Variants in PMS2 observed in about 807,000 individuals in gnomAD.
PMS2 encodes mismatch repair endonuclease PMS2.
In PMS2, 69 loss-of-function variants were observed where a neutral mutation model predicts 90.0. That is an observed-to-expected ratio of 0.77 (90% confidence interval 0.63 to 0.94). The LOEUF is 0.94. Among genes scored for constraint, PMS2 ranks in the 40% least tolerant of loss-of-function variants. The probability of loss-of-function intolerance (pLI) is 0.00; values close to 1 mark genes in which losing one functional copy is unlikely to be tolerated. For missense variants in PMS2, 966 were observed against 1,040.2 expected (o/e 0.93, Z 0.98); for synonymous variants, 332 against 375.1 (o/e 0.89, Z 1.33).
chr7:5,995,745 T>C (rs963874985), intron 7 of PMS2, 112 bp from the exon 8 acceptor site: 1 of 790,108 alleles, frequency 1.3e-6, no homozygotes, highest in Non-Finnish European at 2.3e-6. Flanking sequence ...GGTGACATGC[T>C]GATAAGGATC....
chr7:5,994,449 A>G (rs980775523), intron 8 of PMS2, among the ~76,000 whole-genome samples: 4 of 151,586 alleles, frequency 2.6e-5, no homozygotes, highest in African/African-American at 7.3e-5. Context: ...AACTTATGAT[A>G]GGGTTATGTC....
At chr7:5,983,391 G>A (rs1562617411) in intron 11 of PMS2, among the ~76,000 whole-genome samples, 1 of 151,464 alleles carries the variant, frequency 6.6e-6, no homozygotes, top group Non-Finnish European at 1.5e-5. Flanking sequence ...TTACAGGCGT[G>A]AGCCACTGCG....
intron 8 of PMS2, among the ~76,000 whole-genome samples, chr7:5,995,079 C>G (rs778369743): frequency 6.6e-6 from 1 of 151,948 alleles, no homozygotes; most frequent in Non-Finnish European, 1.5e-5. Context: ...GCTCTGTCAC[C>G]CAGGCTGGAG....
intron 12 of PMS2, among the ~76,000 whole-genome samples, chr7:5,981,587 A>G (rs536021228): frequency 1.3e-5 from 2 of 150,426 alleles, no homozygotes; most frequent in South Asian, 2.1e-4. Flanking sequence ...CTGTCAATCA[A>G]CACTGGCGCA....
rs2128800396 is a variant in PMS2, at chr7:5,999,173, C to G, written c.640G>C (p.Val214Leu). The G allele has an allele frequency of 6.2e-7, 1 of 1,614,148 alleles. No homozygotes were observed. Among genetic ancestry groups the G allele is most frequent in the African/African-American group, 1.3e-5 (1 of 75,040 alleles). Residue 214 changes from valine (V) to leucine (L), a missense_variant, in exon 6 of 15, where the codon GTG becomes CTG. Physicochemically the swap from Val to Leu is conservative, Grantham distance 32. Coordinates refer to ENST00000265849, the MANE Select transcript of PMS2 (RefSeq NM_000535.7). Reference protein sequence around the residue: ...NQLGQGKRQPVVCTGGSPSIK... With the variant: ...NQLGQGKRQPLVCTGGSPSIK... ...CTGGGGCTTCCACCTGTGCATACCA[C>G]AGGCTGTCGTTTTCCTTGTCCAAGC...
chr7:5,989,974 C>T lies in PMS2; in HGVS notation c.989-19G>A, dbSNP rs2128749237. On this transcript the variant is annotated intron_variant, in intron 9 of 14. Coordinates refer to ENST00000265849, the MANE Select transcript of PMS2 (RefSeq NM_000535.7). ...ACGCATTCTAAGGCAAAAAAGAAAA[C>T]ATATTTATTATGTTTAAATTCACTT... 1 of 1,493,262 alleles carries T rather than the reference C, an allele frequency of 6.7e-7. No individual in the cohort carries two copies. 92.5% of individuals were successfully genotyped at this position (1,493,262 alleles called of 1,614,324 possible).
chr7:5,997,235 G>T, intron 7 of PMS2, 91 bp downstream of exon 7: 6 of 690,422 alleles, frequency 8.7e-6, no homozygotes, highest in South Asian at 3.4e-5. Flanking sequence ...AAAAAGACAC[G>T]AAACTATTAG....
At position 6,003,324 on chromosome 7, in the gene PMS2, T is replaced by TATATAA. The variant is rs559526418; in HGVS notation, c.353+365_353+366insTTATAT. ...AAAAAAAGATATATATATATATATATAATTATTTATAAAAATTTCATATCT... is the reference window on the plus strand; with the variant it reads ...AAAAAAAGATATATATATATATATATATATAAAATTATTTATAAAAATTTCATATCT... On this transcript the variant is annotated intron_variant, in intron 4 of 14. Transcript: ENST00000265849. The TATATAA allele has an allele frequency of 3.3e-4, 49 of 148,026 alleles. 1 individual carries two copies. The East Asian group carries it at 3.7e-3, about 11-fold the overall frequency. 9.2% of individuals were successfully genotyped at this position (148,026 alleles called of 1,614,324 possible).
chr7:5,996,590 A>AAATAT (rs56858711), intron 7 of PMS2, among the ~76,000 whole-genome samples: 221 of 110,134 alleles, frequency 2.0e-3, no homozygotes, highest in Non-Finnish European at 2.7e-3. Flanking sequence ...AAAAAAAAAA[A>AAATAT]ATATATATAT....
intron 5 of PMS2, among the ~76,000 whole-genome samples, chr7:6,001,774 A>C (rs1235712313): frequency 6.6e-6 from 1 of 151,850 alleles, no homozygotes; most frequent in African/African-American, 2.4e-5. Context: ...ACCTGAGGTC[A>C]GGAATTCGAG....
rs753535192 is a variant in PMS2 at position 5,978,635 on chromosome 7, A to T, written c.2236T>A (p.Phe746Ile). The T allele has an allele frequency of 1.2e-6, 2 of 1,604,314 alleles. No homozygotes were observed. The highest frequency in any genetic ancestry group is 2.7e-5 in the African/African-American group (2 of 73,764). The change falls in exon 13 of 15, where the codon TTT becomes ATT. Residue 746 changes from phenylalanine to isoleucine, a missense_variant. Physicochemically the swap from Phe to Ile is conservative, Grantham distance 21. Around this residue, in one of 2 missense-constraint regions of PMS2, gnomAD observed 95 missense variants for 237.8 expected, o/e 0.40. Coordinates refer to ENST00000265849, the MANE Select transcript of PMS2 (RefSeq NM_000535.7). Reference protein sequence around the residue: ...EAVLIENLEIFRKNGFDFVID... With the variant: ...EAVLIENLEIIRKNGFDFVID... ...ACAAAATCAAAGCCATTCTTTCTAA[A>T]TATTTCCAGATTTTCTATCAGAACA...
At chr7:5,997,672 G>A (rs1294332191) in intron 6 of PMS2, among the ~76,000 whole-genome samples, 1 of 152,116 alleles carries the variant, frequency 6.6e-6, no homozygotes, top group Non-Finnish European at 1.5e-5. Context: ...AGCCTGTCGA[G>A]TGAGTAGCTG....
In PMS2 at chr7:5,990,842, C is replaced by T. The variant is rs147347109; in HGVS notation, c.989-887G>A. 5.1e-3 allele frequency among the ~76,000 whole-genome samples: 780 copies of T among 152,160 alleles called. 17 individuals carry two copies. Among genetic ancestry groups the T allele is most frequent in the Admixed American group, 0.03 (462 of 15,264 alleles). On this transcript the variant is annotated intron_variant, in intron 9 of 14. Transcript: ENST00000265849. ...CAGCCTGGCCAACATGGCGAAACCC[C>T]GTCTCTACTAAAAACACAAAAAATT... is the stretch of plus-strand genomic sequence containing the variant.
rs746558565 is a variant in PMS2, at chr7:5,989,058, T to C, written c.1144+742A>G. ...TTTTAGTAGAGACAGAGTTTCACCG[T>C]GTTAGATAGTCTCGATCTCCTGACC... is the stretch of plus-strand genomic sequence containing the variant. On this transcript the variant is annotated intron_variant, in intron 10 of 14. Coordinates refer to ENST00000265849, the MANE Select transcript of PMS2 (RefSeq NM_000535.7). Among the ~76,000 whole-genome samples, 9 of 152,118 alleles carry C rather than the reference T, an allele frequency of 5.9e-5. No homozygotes were observed. The East Asian group carries it at 1.6e-3, about 26-fold the overall frequency.
chr7:5,987,936 C>T (rs1783230822), intron 10 of PMS2, among the ~76,000 whole-genome samples: 1 of 151,574 alleles, frequency 6.6e-6, no homozygotes, highest in African/African-American at 2.4e-5. Flanking sequence ...ATCTGTCATC[C>T]CAGCTACTTG....
intron 12 of PMS2, among the ~76,000 whole-genome samples, chr7:5,982,589 G>A (rs574112381): frequency 4.3e-4 from 66 of 151,918 alleles, no homozygotes; most frequent in Middle Eastern, 3.2e-3. Flanking sequence ...TGCCTGCCTC[G>A]GCCTCCCAAA....
Position 5,995,536 on chromosome 7 carries a change from T to C in PMS2, c.901A>G (p.Lys301Glu), listed in dbSNP as rs757409701. 2.5e-6 allele frequency: 4 copies of C among 1,610,076 alleles called. No homozygotes were observed. The highest frequency in any genetic ancestry group is 3.4e-6 in the Non-Finnish European group (4 of 1,176,442). ...FINRRPCDPA[K>E]VCRLVNEVYH... ...TAACACAAAAAAATTTTAAATACCT[T>C]TGCTGGGTCACAAGGCCGCCGGTTG... Residue 301 changes from lysine to glutamate, a missense_variant and splice_region_variant, in exon 8 of 15, where the codon AAG becomes GAG. Transcript: ENST00000265849.
At chr7:5,980,872 G>T (rs1225761507) in intron 12 of PMS2, among the ~76,000 whole-genome samples, 1 of 150,430 alleles carries the variant, frequency 6.6e-6, no homozygotes, top group Admixed American at 6.6e-5. Flanking sequence ...AACAATTCAC[G>T]CATTCCACAG....
At chr7:6,003,406 A>G in intron 4 of PMS2, 1 of 294,048 alleles carries the variant, frequency 3.4e-6, no homozygotes, top group Non-Finnish European at 6.3e-6. Flanking sequence ...GATAATGAAA[A>G]CCAATGGTAA....
Sources: allele counts gnomAD v4.1 joint callset (sites outside exome capture counted in the v4.1 genomes callset), GRCh38; gene constraint gnomAD v4.1.1; regional missense constraint gnomAD v4.1.1; transcripts MANE v1.5; gene names NCBI Gene and HGNC (gene_info 2026-07-23, HGNC 2026-07-21).